The following ARMC8 variants were observed in gnomAD, a reference collection of about 807,000 sequenced individuals.
ARMC8 encodes the protein armadillo repeat containing 8.
Under a neutral mutation model 99.3 loss-of-function variants are expected in ARMC8, and 20 were observed. That is an observed-to-expected ratio of 0.20 (90% CI 0.14 to 0.29). The LOEUF (loss-of-function observed/expected upper bound fraction) is 0.29. Ranked by LOEUF, ARMC8 falls within the 10% of genes least tolerant of loss-of-function variation. The pLI, the probability that ARMC8 is intolerant of heterozygous loss-of-function variation, is 1.00. For missense variants in ARMC8, 569 were observed against 809.5 expected, an observed-to-expected ratio of 0.70 and a Z score of 3.60; for synonymous variants, 263 against 278.3, an observed-to-expected ratio of 0.95 and a Z score of 0.55.
At chr3:138,233,293 A>T (rs965328621) in intron 6 of ARMC8, among the ~76,000 whole-genome samples, 1 of 152,248 alleles carries the variant, frequency 6.6e-6, no homozygotes, top group Admixed American at 6.5e-5. Flanking sequence ...ATTTTCAGTT[A>T]TGACAAAAAC....
At chr3:138,280,324 T>A (rs768821364) in intron 18 of ARMC8, among the ~76,000 whole-genome samples, 9 of 151,264 alleles carry the variant, frequency 5.9e-5, no homozygotes, top group African/African-American at 1.9e-4. Flanking sequence ...TTATTATTAT[T>A]ATATATATTT....
At position 138,187,521 on chromosome 3, in the gene ARMC8, C is replaced by G. The variant is rs1369862137; in HGVS notation, c.-34C>G. 3.9e-6 allele frequency: 6 copies of G among 1,535,128 alleles called. No individual in the cohort carries two copies. The highest frequency in any genetic ancestry group is 1.2e-5 in the South Asian group (1 of 84,048). On this transcript the variant is annotated 5_prime_UTR_variant, in exon 1 of 22. Coordinates refer to ENST00000469044, the MANE Select transcript of ARMC8 (RefSeq NM_001363941.2). ...CTGTCGAAAGTGCCGGCCCCCGCGC[C>G]GGCGCCTGCAGCAGCCGGGTGGGAA...
chr3:138,257,888 T>G (rs1576793834), intron 12 of ARMC8, among the ~76,000 whole-genome samples: 1 of 152,176 alleles, frequency 6.6e-6, no homozygotes, highest in African/African-American at 2.4e-5. Context: ...GCTTGGCTGC[T>G]TAATCCCTCC....
intron 12 of ARMC8, among the ~76,000 whole-genome samples, chr3:138,252,760 C>G (rs2047201501): frequency 3.8e-5 from 2 of 52,286 alleles, no homozygotes; most frequent in African/African-American, 1.0e-4. Flanking sequence ...CCCCCCCCCC[C>G]CCACCCGGCC....
intron 6 of ARMC8, among the ~76,000 whole-genome samples, chr3:138,234,300 C>T (rs766920137): frequency 1.4e-4 from 21 of 152,060 alleles, no homozygotes; most frequent in Admixed American, 3.9e-4. Flanking sequence ...TTAGTAGAGA[C>T]GGGATTTCAC....
At chr3:138,249,111 A>G (rs1485654876) in intron 12 of ARMC8, among the ~76,000 whole-genome samples, 1 of 152,206 alleles carries the variant, frequency 6.6e-6, no homozygotes, top group Non-Finnish European at 1.5e-5. Flanking sequence ...TGATGAATGA[A>G]TGAATGAATG....
intron 2 of ARMC8, among the ~76,000 whole-genome samples, chr3:138,213,496 A>G (rs554284787): frequency 6.6e-6 from 1 of 152,334 alleles, no homozygotes; most frequent in South Asian, 2.1e-4. Context: ...ATAACTGAAT[A>G]GATGATCATT....
intron 1 of ARMC8, among the ~76,000 whole-genome samples, chr3:138,193,421 C>T (rs2043510561): frequency 6.6e-6 from 1 of 151,972 alleles, no homozygotes; most frequent in South Asian, 2.1e-4. Context: ...CCACCGCGCC[C>T]AGCTAATTTT....
In ARMC8 at chr3:138,196,359, G is replaced by C. The variant is rs879641213; in HGVS notation, c.45+8760G>C. Among the ~76,000 whole-genome samples, 12 of 152,266 alleles carry C rather than the reference G, an allele frequency of 7.9e-5. No individual in the cohort carries two copies. In the East Asian group the frequency reaches 2.1e-3, roughly 27 times the overall value. On this transcript the variant is annotated intron_variant, in intron 1 of 21. Coordinates refer to ENST00000469044, the MANE Select transcript of ARMC8 (RefSeq NM_001363941.2). ...GTAGTCAGTTGGAAAAAAAGGTTGA[G>C]TACCTAAATCTGGGGTCATGATCAT...
chr3:138,261,224 C>T (rs529809761), intron 12 of ARMC8, among the ~76,000 whole-genome samples: 13 of 152,136 alleles, frequency 8.5e-5, no homozygotes, highest in East Asian at 1.9e-4. Context: ...TAATGGAATG[C>T]GAAAGGAATG....
intron 12 of ARMC8, among the ~76,000 whole-genome samples, chr3:138,256,283 T>C (rs577672506): frequency 6.6e-6 from 1 of 152,296 alleles, no homozygotes; most frequent in South Asian, 2.1e-4. Flanking sequence ...TTGGCTTATC[T>C]TTTCACTGGC....
At chr3:138,226,119 A>G (rs2045683631) in intron 5 of ARMC8, among the ~76,000 whole-genome samples, 1 of 152,078 alleles carries the variant, frequency 6.6e-6, no homozygotes, top group Non-Finnish European at 1.5e-5. Context: ...TAGCCTCCCA[A>G]GTAGCTGGGA....
chr3:138,255,378 A>AT (rs1231334646), intron 12 of ARMC8, among the ~76,000 whole-genome samples: 3 of 151,240 alleles, frequency 2.0e-5, no homozygotes, highest in Non-Finnish European at 2.9e-5. Flanking sequence ...AATTTTTTGT[A>AT]TTTTTAGTAG....
intron 18 of ARMC8, among the ~76,000 whole-genome samples, chr3:138,275,916 T>C (rs1355252636): frequency 6.6e-6 from 1 of 152,156 alleles, no homozygotes; most frequent in Non-Finnish European, 1.5e-5. Flanking sequence ...ATCACTAAAA[T>C]TAGCCGAAAT....
chr3:138,282,194 G>A (rs2049994539), intron 18 of ARMC8, among the ~76,000 whole-genome samples: 1 of 152,172 alleles, frequency 6.6e-6, no homozygotes, highest in Non-Finnish European at 1.5e-5. Context: ...TCATTTTGCT[G>A]GCTTGCTCTT....
intron 1 of ARMC8, among the ~76,000 whole-genome samples, chr3:138,206,467 A>C (rs528047673): frequency 6.6e-6 from 1 of 152,172 alleles, no homozygotes; most frequent in African/African-American, 2.4e-5. Flanking sequence ...CTATTCTTTG[A>C]TTATGGCAGA....
chr3:138,242,280 A>C (rs1260020714), intron 11 of ARMC8, among the ~76,000 whole-genome samples: 2 of 152,192 alleles, frequency 1.3e-5, no homozygotes, highest in Non-Finnish European at 2.9e-5. Context: ...TAACCGTATA[A>C]TCTTATTCTT....
rs375668973 is a variant in ARMC8, at chr3:138,274,475, T to C, written c.1656T>C (p.His552=). 8.7e-6 allele frequency: 14 copies of C among 1,611,310 alleles called. No individual in the cohort carries two copies. Among genetic ancestry groups the C allele is most frequent in the African/African-American group, 5.3e-5 (4 of 74,806 alleles). The change falls in exon 18 of 22, where the codon CAT becomes CAC. Residue 552 remains histidine (H), a synonymous_variant. Transcript: ENST00000469044. ...ATATAGATAAAATAATGAGTACTCA[T>C]GGAAAGCAAATTATGCAAGCCGTCA... ...RPHIDKIMST[H]GKQIMQAVTL...
Position 138,297,681 on chromosome 3 carries a change from A to C in ARMC8, c.*1789A>C, listed in dbSNP as rs2108416820. 6.6e-6 allele frequency: 1 copy of C among 152,372 alleles called. No homozygotes were observed. Among genetic ancestry groups the C allele is most frequent in the East Asian group, 1.9e-4 (1 of 5,190 alleles). The allele number at this position is 152,372 out of a possible 1,614,324, so 9.4% of individuals were successfully genotyped here. The stretch of plus-strand genomic sequence containing the variant: ...ATTTTTTCAGAACATCACCGATTTT[A>C]AAATCTGTCACAACAGGACTTGGTT... On this transcript the variant is annotated 3_prime_UTR_variant, in exon 22 of 22. Coordinates refer to ENST00000469044, the MANE Select transcript of ARMC8 (RefSeq NM_001363941.2).
Sources: gnomAD v4.1 joint callset for allele counts (sites outside exome capture counted in the v4.1 genomes callset) on GRCh38, gnomAD v4.1.1 for gene constraint, MANE v1.5 for transcripts, NCBI Gene and HGNC (gene_info 2026-07-23, HGNC 2026-07-21) for gene names.